Variants in ZNF804A observed in about 807,000 individuals in gnomAD.
The protein encoded by ZNF804A is zinc finger protein 804A.
Under a neutral mutation model 16.5 loss-of-function variants are expected in ZNF804A, and 2 were observed. The ratio of observed to expected loss-of-function variants is 0.12; its 90% CI spans 0.05 to 0.38. The LOEUF (loss-of-function observed/expected upper bound fraction) is 0.38. ZNF804A is among the 10% of genes least tolerant of loss of function. The probability of loss-of-function intolerance (pLI) is 0.99; values close to 1 mark genes in which losing one functional copy is unlikely to be tolerated. For missense variants in ZNF804A, 1,473 were observed against 1,390.7 expected, an observed-to-expected ratio of 1.06 and a Z score of -0.94; for synonymous variants, 534 against 489.6, an observed-to-expected ratio of 1.09 and a Z score of -1.20.
At chr2:184,747,478 T>C (rs1693807855) in intron 1 of ZNF804A, among the ~76,000 whole-genome samples, 1 of 151,112 alleles carries the variant, frequency 6.6e-6, no homozygotes, top group South Asian at 2.1e-4. Context: ...GTTTAGAGTA[T>C]GTTTTACATA....
At chr2:184,777,487 C>G (rs1010538787) in intron 1 of ZNF804A, among the ~76,000 whole-genome samples, 1 of 151,510 alleles carries the variant, frequency 6.6e-6, no homozygotes, top group Non-Finnish European at 1.5e-5. Flanking sequence ...CTCAGCATCA[C>G]TGTCATTCCC....
intron 1 of ZNF804A, among the ~76,000 whole-genome samples, chr2:184,849,799 A>G (rs1222928104): frequency 6.6e-6 from 1 of 152,060 alleles, no homozygotes; most frequent in Non-Finnish European, 1.5e-5. Context: ...ACAATAGCAA[A>G]GGTTTGGAAT....
chr2:184,781,944 C>A (rs991812893), intron 1 of ZNF804A, among the ~76,000 whole-genome samples: 1 of 151,814 alleles, frequency 6.6e-6, no homozygotes, highest in African/African-American at 2.4e-5. Flanking sequence ...AAGATAAATT[C>A]TTCTAAGGCC....
At chr2:184,894,332 T>G (rs1003065718) in intron 2 of ZNF804A, among the ~76,000 whole-genome samples, 9 of 152,174 alleles carry the variant, frequency 5.9e-5, no homozygotes, top group Non-Finnish European at 1.3e-4. Context: ...TTATTAAATT[T>G]AAATGCTACA....
intron 1 of ZNF804A, among the ~76,000 whole-genome samples, chr2:184,649,159 G>T (rs148306393): frequency 7.2e-5 from 11 of 151,884 alleles, no homozygotes; most frequent in African/African-American, 2.7e-4. Flanking sequence ...ATAGAAATTC[G>T]ACAACTTGAT....
chr2:184,938,573 C>T lies in ZNF804A; in HGVS notation c.3177C>T (p.Asn1059=). ...TCTACCAGCACATTCTGCAGCCAAA[C>T]ATGCTGGCCAACAAGGTTAAATTTA... ...CEVYQHILQP[N]MLANKVKFTF... The change falls in exon 4 of 4, where the codon AAC becomes AAT. Residue 1059 remains asparagine, a synonymous_variant. Transcript: ENST00000302277. The T allele has an allele frequency of 6.2e-7, 1 of 1,614,100 alleles. No homozygotes were observed. The highest frequency in any genetic ancestry group is 8.5e-7 in the Non-Finnish European group (1 of 1,180,002).
At chr2:184,680,452 C>A (rs1036983318) in intron 1 of ZNF804A, among the ~76,000 whole-genome samples, 1 of 152,190 alleles carries the variant, frequency 6.6e-6, no homozygotes, top group Non-Finnish European at 1.5e-5. Flanking sequence ...GAAGAGCTAC[C>A]CACTATGGGT....
At chr2:184,614,968 G>T (rs747009320) in intron 1 of ZNF804A, among the ~76,000 whole-genome samples, 1 of 152,194 alleles carries the variant, frequency 6.6e-6, no homozygotes, top group Non-Finnish European at 1.5e-5. Context: ...TATTGTGAAA[G>T]ACAGTGTGGT....
At chr2:184,606,832 T>TACACACACAC (rs10645645) in intron 1 of ZNF804A, among the ~76,000 whole-genome samples, 1 of 149,336 alleles carries the variant, frequency 6.7e-6, no homozygotes, top group African/African-American at 2.5e-5. Context: ...TAGGTGTGTC[T>TACACACACAC]ACACACACAC....
chr2:184,910,020 CA>C (rs1201342569), intron 2 of ZNF804A, among the ~76,000 whole-genome samples: 5 of 151,770 alleles, frequency 3.3e-5, no homozygotes, highest in African/African-American at 1.2e-4. Flanking sequence ...ACTTTAGATT[CA>C]GGGGGTAGAT....
chr2:184,740,465 C>T (rs1693695010), intron 1 of ZNF804A, among the ~76,000 whole-genome samples: 1 of 152,116 alleles, frequency 6.6e-6, no homozygotes, highest in Admixed American at 6.5e-5. Flanking sequence ...GAACATGTCT[C>T]AAAACTCAGA....
At chr2:184,857,808 C>G (rs1366005750) in intron 1 of ZNF804A, among the ~76,000 whole-genome samples, 1 of 151,962 alleles carries the variant, frequency 6.6e-6, no homozygotes, top group Non-Finnish European at 1.5e-5. Flanking sequence ...GCATGTACAT[C>G]TTTTTTCATT....
chr2:184,918,956 A>G lies in ZNF804A; in HGVS notation c.256-14647A>G, dbSNP rs565465808. ...TCTTTGGTTTTTTGAAGAATTTCCT[A>G]TGTAATTAAACTTTCAAAAGGCCAT... On this transcript the variant is annotated intron_variant, in intron 2 of 3. Coordinates refer to ENST00000302277, the MANE Select transcript of ZNF804A (RefSeq NM_194250.2). Among the ~76,000 whole-genome samples the G allele has an allele frequency of 4.6e-5, 7 of 152,292 alleles. No homozygotes were observed. The South Asian group carries it at 1.5e-3, about 32-fold the overall frequency.
intron 1 of ZNF804A, among the ~76,000 whole-genome samples, chr2:184,711,676 C>A (rs1294566901): frequency 6.6e-6 from 1 of 151,624 alleles, no homozygotes; most frequent in Non-Finnish European, 1.5e-5. Context: ...GAGAAGCATC[C>A]AATTTTATTG....
chr2:184,670,676 A>G (rs974133653), intron 1 of ZNF804A, among the ~76,000 whole-genome samples: 2 of 151,964 alleles, frequency 1.3e-5, no homozygotes, highest in African/African-American at 4.8e-5. Flanking sequence ...TGGATGTTAT[A>G]TTTTTCTTTA....
intron 1 of ZNF804A, among the ~76,000 whole-genome samples, chr2:184,788,664 A>T (rs1286970390): frequency 6.6e-6 from 1 of 151,978 alleles, no homozygotes; most frequent in Admixed American, 6.6e-5. Context: ...AAATGCTATT[A>T]ATGTTTGTAC....
intron 2 of ZNF804A, among the ~76,000 whole-genome samples, chr2:184,921,130 ATTTGGAGTGTAACTATAC>A (rs1004996282): frequency 5.3e-5 from 8 of 152,316 alleles, no homozygotes; most frequent in Middle Eastern, 3.4e-3. Context: ...AAGTGTTATT[ATTTGGAGTGTAACTATAC>A]TTGATTTCTA....
At chr2:184,895,893 A>G (rs1246151636) in intron 2 of ZNF804A, among the ~76,000 whole-genome samples, 1 of 152,150 alleles carries the variant, frequency 6.6e-6, no homozygotes, top group African/African-American at 2.4e-5. Flanking sequence ...GTGGGCATTG[A>G]CTTTCATTTT....
At chr2:184,747,321 C>CAAAAAAAAA (rs397986917) in intron 1 of ZNF804A, among the ~76,000 whole-genome samples, 2 of 78,092 alleles carry the variant, frequency 2.6e-5, no homozygotes, top group Non-Finnish European at 5.0e-5. Context: ...AATCTTGCTG[C>CAAAAAAAAA]AAAAAAAAAA....
Sources: gnomAD v4.1 joint callset for allele counts (sites outside exome capture counted in the v4.1 genomes callset) on GRCh38, gnomAD v4.1.1 for gene constraint, MANE v1.5 for transcripts, NCBI Gene and HGNC (gene_info 2026-07-23, HGNC 2026-07-21) for gene names.